Variants in SYNDIG1 observed in about 807,000 individuals in gnomAD.
The protein encoded by SYNDIG1 is synapse differentiation-inducing gene protein 1.
SYNDIG1 carries 9 observed loss-of-function variants against 19.4 expected under a neutral mutation model. That is an observed-to-expected ratio of 0.46 (90% CI 0.28 to 0.81). The LOEUF is 0.81. Among genes scored for constraint, SYNDIG1 ranks in the 30% least tolerant of loss-of-function variants. SYNDIG1 has a pLI of 0.12. For missense variants in SYNDIG1, 311 were observed against 343.3 expected (o/e 0.91, Z 0.74); for synonymous variants, 141 against 145.9 (o/e 0.97, Z 0.24).
At chr20:24,653,744 T>G (rs2059496533) in intron 3 of SYNDIG1, among the ~76,000 whole-genome samples, 1 of 152,194 alleles carries the variant, frequency 6.6e-6, no homozygotes, top group Non-Finnish European at 1.5e-5. Context: ...TTTAACTCTG[T>G]CAGCTCTGGA....
At chr20:24,609,163 G>A (rs2147165536) in intron 3 of SYNDIG1, among the ~76,000 whole-genome samples, 2 of 152,324 alleles carry the variant, frequency 1.3e-5, no homozygotes, top group South Asian at 4.1e-4. Context: ...CTACTCTGGA[G>A]GTGGCAGTTC....
intron 3 of SYNDIG1, among the ~76,000 whole-genome samples, chr20:24,626,281 G>T (rs1246185918): frequency 6.6e-6 from 1 of 151,684 alleles, no homozygotes; most frequent in Non-Finnish European, 1.5e-5. Context: ...TTCCCAGATG[G>T]GGTGGCAGCC....
intron 1 of SYNDIG1, among the ~76,000 whole-genome samples, chr20:24,513,919 G>A (rs571487155): frequency 8.5e-5 from 13 of 152,290 alleles, no homozygotes; most frequent in African/African-American, 1.4e-4. Flanking sequence ...AGACTAACAC[G>A]GATCTCTCGG....
At chr20:24,585,126 C>A in intron 3 of SYNDIG1, 133 bp downstream of exon 3, 1 of 1,213,804 alleles carries the variant, frequency 8.2e-7, no homozygotes, top group East Asian at 2.4e-5. Context: ...GGCACTTGCC[C>A]AGTTGGAGGA....
chr20:24,636,271 A>G (rs1471791376), intron 3 of SYNDIG1, among the ~76,000 whole-genome samples: 1 of 152,174 alleles, frequency 6.6e-6, no homozygotes, highest in Non-Finnish European at 1.5e-5. Context: ...TGGGGTAAAT[A>G]CCCAAGGTTC....
intron 3 of SYNDIG1, among the ~76,000 whole-genome samples, chr20:24,638,450 G>A (rs2059337591): frequency 6.6e-6 from 1 of 152,144 alleles, no homozygotes; most frequent in South Asian, 2.1e-4. Context: ...CACCTCCTGA[G>A]CTCAAGCGAT....
chr20:24,590,482 G>C (rs1054879898), intron 3 of SYNDIG1, among the ~76,000 whole-genome samples: 1 of 152,172 alleles, frequency 6.6e-6, no homozygotes, highest in Non-Finnish European at 1.5e-5. Context: ...GAACAGGGCG[G>C]AGGGGGAGGC....
chr20:24,659,681 G>T (rs1275660828), intron 3 of SYNDIG1, among the ~76,000 whole-genome samples: 1 of 152,216 alleles, frequency 6.6e-6, no homozygotes, highest in Non-Finnish European at 1.5e-5. Flanking sequence ...GGAGAGGTGG[G>T]GAGAGGCCTG....
chr20:24,488,801 C>T (rs2056045002), intron 1 of SYNDIG1, among the ~76,000 whole-genome samples: 1 of 152,210 alleles, frequency 6.6e-6, no homozygotes, highest in South Asian at 2.1e-4. Flanking sequence ...GGACTCTCAG[C>T]TGAAACACCT....
At chr20:24,478,064 C>T (rs191034293) in intron 1 of SYNDIG1, among the ~76,000 whole-genome samples, 49 of 152,298 alleles carry the variant, frequency 3.2e-4, no homozygotes, top group Admixed American at 5.9e-4. Context: ...ACCACAGGGC[C>T]GCCTGGCTGC....
chr20:24,477,603 C>G (rs868387607), intron 1 of SYNDIG1, among the ~76,000 whole-genome samples: 14 of 152,324 alleles, frequency 9.2e-5, no homozygotes, highest in Middle Eastern at 3.4e-3. Context: ...TGTGATTGCC[C>G]TGCCTCTCCA....
At chr20:24,551,980 A>C (rs2057714274) in intron 2 of SYNDIG1, among the ~76,000 whole-genome samples, 1 of 152,210 alleles carries the variant, frequency 6.6e-6, no homozygotes, top group African/African-American at 2.4e-5. Context: ...ACAGATTCGC[A>C]AGGTCGTGTG....
At chr20:24,518,888 G>A (rs1182380520) in intron 1 of SYNDIG1, among the ~76,000 whole-genome samples, 1 of 152,222 alleles carries the variant, frequency 6.6e-6, no homozygotes, top group Non-Finnish European at 1.5e-5. Context: ...CCTGTCTTCT[G>A]GCAACCACAG....
intron 3 of SYNDIG1, among the ~76,000 whole-genome samples, chr20:24,599,726 T>C (rs1356400080): frequency 2.6e-5 from 4 of 152,162 alleles, no homozygotes; most frequent in Non-Finnish European, 4.4e-5. Context: ...ATAAGCCAGG[T>C]ACAAAAAGGC....
At chr20:24,620,448 T>C (rs2059020991) in intron 3 of SYNDIG1, among the ~76,000 whole-genome samples, 1 of 152,224 alleles carries the variant, frequency 6.6e-6, no homozygotes, top group Non-Finnish European at 1.5e-5. Flanking sequence ...AAGCCATCCA[T>C]AGGAGGCCCA....
chr20:24,470,807 G>T (rs995316000), intron 1 of SYNDIG1, among the ~76,000 whole-genome samples: 1 of 152,142 alleles, frequency 6.6e-6, no homozygotes. Flanking sequence ...AGGCTTGGGC[G>T]CTTGGCACCC....
chr20:24,616,613 A>G (rs1484943197), intron 3 of SYNDIG1, among the ~76,000 whole-genome samples: 1 of 152,194 alleles, frequency 6.6e-6, no homozygotes, highest in Non-Finnish European at 1.5e-5. Context: ...AGCAGCTCCC[A>G]GGAGAAGGCG....
At chr20:24,521,781 T>C (rs1192069184) in intron 1 of SYNDIG1, among the ~76,000 whole-genome samples, 1 of 151,238 alleles carries the variant, frequency 6.6e-6, no homozygotes, top group African/African-American at 2.4e-5. Flanking sequence ...ATGGTTGTAA[T>C]CCCAGCTACT....
At chr20:24,585,032 GTT>G in intron 3 of SYNDIG1, 39 bp downstream of exon 3, 1 of 1,511,284 alleles carries the variant, frequency 6.6e-7, no homozygotes, top group Non-Finnish European at 8.9e-7. Flanking sequence ...GTGTGCAGGT[GTT>G]CACAGGGTGG....
Sources: gnomAD v4.1 joint callset for allele counts (sites outside exome capture counted in the v4.1 genomes callset) on GRCh38, gnomAD v4.1.1 for gene constraint, MANE v1.5 for transcripts, NCBI Gene and HGNC (gene_info 2026-07-23, HGNC 2026-07-21) for gene names.